The following GRID2IP variants were observed in gnomAD, a reference collection of about 807,000 sequenced individuals.
The protein encoded by GRID2IP is Grid2 interacting protein.
Under a neutral mutation model 114.3 loss-of-function variants are expected in GRID2IP, and 78 were observed. The ratio of observed to expected loss-of-function variants is 0.68; its 90% CI spans 0.57 to 0.82. GRID2IP has a LOEUF of 0.82. Among genes scored for constraint, GRID2IP ranks in the 40% least tolerant of loss-of-function variants. The pLI is 0.00. For synonymous variants in GRID2IP, 809 were observed against 724.0 expected, an observed-to-expected ratio of 1.12 and a Z score of -1.89; for missense variants, 1,727 against 1,678.5, an observed-to-expected ratio of 1.03 and a Z score of -0.51.
chr7:6,521,828 G>T lies in GRID2IP; in HGVS notation c.989+60C>A. On this transcript the variant is annotated intron_variant, in intron 5 of 21. Coordinates refer to ENST00000457091, the MANE Select transcript of GRID2IP (RefSeq NM_001145118.2). The surrounding 1 kb of genome is among the most constrained non-coding windows in gnomAD (Gnocchi z 4.1). ...AGCCTGGGTGCCCCAAGAGGCAGGA[G>T]TCTTGCAGGGGGTGGGGGCAGCTCC... The T allele has an allele frequency of 7.7e-7, 1 of 1,299,242 alleles. No individual in the cohort carries two copies. The highest frequency in any genetic ancestry group is 1.3e-5 in the South Asian group (1 of 78,436). 80.5% of individuals were successfully genotyped at this position (1,299,242 alleles called of 1,614,324 possible).
intron 4 of GRID2IP, among the ~76,000 whole-genome samples, chr7:6,522,470 C>T (rs1343982660): frequency 6.6e-6 from 1 of 151,950 alleles, no homozygotes; most frequent in Non-Finnish European, 1.5e-5. Context: ...TCTGGGATTC[C>T]TCTTTGCTTC....
At position 6,511,046 on chromosome 7, in the gene GRID2IP, G is replaced by A. The variant is rs2115367564; in HGVS notation, c.1424-7C>T. ...AGCTCAGGCTCCGGCTCTGCTGTGG[G>A]ACATGCAGGGAACATGGGGCCCTCT... On this transcript the variant is annotated splice_region_variant and splice_polypyrimidine_tract_variant and intron_variant, in intron 8 of 21. Transcript: ENST00000457091. 7.1e-7 allele frequency: 1 copy of A among 1,417,500 alleles called. No individual in the cohort carries two copies. The highest frequency in any genetic ancestry group is 9.2e-7 in the Non-Finnish European group (1 of 1,081,902). The allele number at this position is 1,417,500 out of a possible 1,614,324, so 87.8% of individuals were successfully genotyped here.
At chr7:6,533,399 C>G (rs1310464965) in intron 2 of GRID2IP, among the ~76,000 whole-genome samples, 1 of 152,154 alleles carries the variant, frequency 6.6e-6, no homozygotes, top group East Asian at 1.9e-4. Flanking sequence ...CACTCTGTCA[C>G]CCAGGCTGGA....
chr7:6,546,347 G>T (rs1187716489), intron 1 of GRID2IP, among the ~76,000 whole-genome samples: 1 of 150,806 alleles, frequency 6.6e-6, no homozygotes, highest in Non-Finnish European at 1.5e-5. Flanking sequence ...AAAGTGCTGG[G>T]ATTACAGGTG....
chr7:6,550,950 C>T, intron 1 of GRID2IP, 58 bp downstream of exon 1: 1 of 1,201,472 alleles, frequency 8.3e-7, no homozygotes, highest in Non-Finnish European at 1.0e-6. Context: ...CGGCCCACTC[C>T]CTGCCCACAT....
Position 6,516,532 on chromosome 7 carries a change from G to A in GRID2IP, c.1269-2003C>T, listed in dbSNP as rs936987670. On this transcript the variant is annotated intron_variant, in intron 7 of 21. Coordinates refer to ENST00000457091, the MANE Select transcript of GRID2IP (RefSeq NM_001145118.2). This position sits in a 1 kb window ranked among gnomAD's most constrained non-coding sequence, Gnocchi z 4.3. ...GAGGGCTCCCTGGTCTACTGGTAAC[G>A]CCAGTGCCTGGGAAGGCACCCGTTG... Among the ~76,000 whole-genome samples, 3 of 152,048 alleles carry A rather than the reference G, an allele frequency of 2.0e-5. No homozygotes were observed. Among genetic ancestry groups the A allele is most frequent in the Non-Finnish European group, 2.9e-5 (2 of 68,008 alleles).
chr7:6,526,683 G>T lies in GRID2IP; in HGVS notation c.671C>A (p.Ala224Asp). The T allele has an allele frequency of 6.7e-7, 1 of 1,484,524 alleles. No homozygotes were observed. The allele number at this position is 1,484,524 out of a possible 1,614,324, so 92.0% of individuals were successfully genotyped here. The change falls in exon 3 of 22, where the codon GCC becomes GAC. Residue 224 changes from alanine to aspartate, a missense_variant. Transcript: ENST00000457091. This position sits in a 1 kb window ranked among gnomAD's most constrained non-coding sequence, Gnocchi z 7.6. Reference sequence around the variant, plus strand: ...CCGGCGCAGTCGCTGCGCGCCCTGGGCCCGGCGTGCGCGGCACAGCTTGCC... The same window carrying T: ...CCGGCGCAGTCGCTGCGCGCCCTGGTCCCGGCGTGCGCGGCACAGCTTGCC... ...LLGKLCRARR[A>D]QGAQRLRRSR...
chr7:6,528,401 C>G lies in GRID2IP; in HGVS notation c.585-1632G>C, dbSNP rs1779556703. Among the ~76,000 whole-genome samples the G allele has an allele frequency of 6.6e-6, 1 of 152,178 alleles. No individual in the cohort carries two copies. Among genetic ancestry groups the G allele is most frequent in the East Asian group, 1.9e-4 (1 of 5,200 alleles). ...AGGCACAGAGAGGACCTGTAGCTCT[C>G]CACGGTTACACAGCTGGCCTGTGGC... On this transcript the variant is annotated intron_variant, in intron 2 of 21. Transcript: ENST00000457091. The surrounding 1 kb of genome is among the most constrained non-coding windows in gnomAD (Gnocchi z 6.0).
Position 6,498,983 on chromosome 7 carries a change from C to A in GRID2IP, c.3400-755G>T, listed in dbSNP as rs142932133. On this transcript the variant is annotated intron_variant, in intron 20 of 21. Transcript: ENST00000457091. ...AGTGAAAGCTCGCTCCCTCCTTGCA[C>A]CTCCAGGGCTTAGAATAGCATCTGA... Among the ~76,000 whole-genome samples the A allele has an allele frequency of 6.6e-5, 10 of 152,292 alleles. No homozygotes were observed. The East Asian group carries it at 1.9e-3, about 29-fold the overall frequency.
chr7:6,520,601 G>A lies in GRID2IP; in HGVS notation c.1245C>T (p.Ala415=). 2 of 1,551,478 alleles carry A rather than the reference G, an allele frequency of 1.3e-6. No individual in the cohort carries two copies. Among genetic ancestry groups the A allele is most frequent in the South Asian group, 1.2e-5 (1 of 84,050 alleles). Residue 415 remains alanine, a synonymous_variant, in exon 7 of 22, where the codon GCC becomes GCT. Coordinates refer to ENST00000457091, the MANE Select transcript of GRID2IP (RefSeq NM_001145118.2). This position sits in a 1 kb window ranked among gnomAD's most constrained non-coding sequence, Gnocchi z 4.6. ...TPPERYGVCR[A]LESFFQHRNI... is the part of the protein sequence containing the mutation. ...ACCTGTGCTGGAAGAAGCTCTCGAG[G>A]GCCCGGCAGACCCCATAGCGCTCAG...
intron 15 of GRID2IP, among the ~76,000 whole-genome samples, chr7:6,504,261 GGTT>G (rs201846377): frequency 0.015 from 2,219 of 150,130 alleles, 23 homozygotes; most frequent in Non-Finnish European, 0.024. Flanking sequence ...CGGGGCTGCT[GGTT>G]GAGTTCGAGC....
chr7:6,502,153 G>T, intron 18 of GRID2IP, 35 bp from the exon 19 acceptor site: 1 of 1,547,320 alleles, frequency 6.5e-7, no homozygotes, highest in South Asian at 1.2e-5. Context: ...TCCCGTCAAG[G>T]ACCCCATCAG....
At position 6,530,267 on chromosome 7, in the gene GRID2IP, G is replaced by GTTGT. The variant is rs1554276910; in HGVS notation, c.585-3502_585-3499dup. 3.1e-3 allele frequency among the ~76,000 whole-genome samples: 464 copies of GTTGT among 150,144 alleles called. 3 individuals are homozygous for GTTGT. The highest frequency in any genetic ancestry group is 0.011 in the African/African-American group (439 of 40,868). On this transcript the variant is annotated intron_variant, in intron 2 of 21. Coordinates refer to ENST00000457091, the MANE Select transcript of GRID2IP (RefSeq NM_001145118.2). The stretch of plus-strand genomic sequence containing the variant: ...GCCACCGCGCCTGGCCTTTTTTGTT[G>GTTGT]TTGTTTGTTTGTTTGTTTGAGAGAG...
At chr7:6,540,736 G>A (rs1018207043) in intron 1 of GRID2IP, among the ~76,000 whole-genome samples, 1 of 132,092 alleles carries the variant, frequency 7.6e-6, no homozygotes, top group East Asian at 2.1e-4. Context: ...TTACCATGTT[G>A]GCCAGGCTGG....
chr7:6,537,033 AGGGAGGGGAGG>A (rs1779736950), intron 2 of GRID2IP: 1 of 186,682 alleles, frequency 5.4e-6, no homozygotes, highest in Non-Finnish European at 1.0e-5. Flanking sequence ...GTCCGGGAAG[AGGGAGGGGAGG>A]GATGGAGGAG....
At chr7:6,550,296 C>T (rs1032191793) in intron 1 of GRID2IP, among the ~76,000 whole-genome samples, 1 of 151,962 alleles carries the variant, frequency 6.6e-6, no homozygotes, top group Non-Finnish European at 1.5e-5. Context: ...CAGTTAAGTT[C>T]TAATGGGGAG....
intron 1 of GRID2IP, among the ~76,000 whole-genome samples, chr7:6,541,607 A>T (rs1779816333): frequency 6.6e-6 from 1 of 152,230 alleles, no homozygotes; most frequent in Admixed American, 6.5e-5. Flanking sequence ...ACGTGTGCAA[A>T]TGATCACGTT....
intron 7 of GRID2IP, among the ~76,000 whole-genome samples, chr7:6,515,731 C>G (rs1459764911): frequency 6.6e-6 from 1 of 151,186 alleles, no homozygotes; most frequent in African/African-American, 2.4e-5. Flanking sequence ...TTGCACCGAG[C>G]CAAGATTGCG....
intron 1 of GRID2IP, among the ~76,000 whole-genome samples, chr7:6,549,805 A>T (rs780411460): frequency 0.024 from 3,394 of 139,420 alleles, 63 homozygotes; most frequent in Non-Finnish European, 0.036. Flanking sequence ...TTTTTTTTAT[A>T]TTTTTGATAG....
Sources: allele counts gnomAD v4.1 joint callset (sites outside exome capture counted in the v4.1 genomes callset), GRCh38; gene constraint gnomAD v4.1.1; non-coding constraint Gnocchi (gnomAD v3.1); transcripts MANE v1.5; gene names NCBI Gene and HGNC (gene_info 2026-07-23, HGNC 2026-07-21).